BMPR1B: variants seen among roughly 807,000 people sequenced by gnomAD.
BMPR1B encodes the protein bone morphogenetic protein receptor type-1B.
BMPR1B carries 12 observed loss-of-function variants against 59.1 expected under a neutral mutation model. The ratio of observed to expected loss-of-function variants is 0.20; its 90% confidence interval spans 0.13 to 0.33. BMPR1B has a LOEUF of 0.33. BMPR1B is among the 10% of genes least tolerant of loss of function. BMPR1B has a pLI of 1.00. For synonymous variants in BMPR1B, 237 were observed against 207.3 expected, an observed-to-expected ratio of 1.14 and a Z score of -1.23; for missense variants, 550 against 610.9, an observed-to-expected ratio of 0.90 and a Z score of 1.05.
At chr4:94,759,661 A>G (rs1721681189) in intron 1 of BMPR1B, among the ~76,000 whole-genome samples, 1 of 152,260 alleles carries the variant, frequency 6.6e-6, no homozygotes, top group Non-Finnish European at 1.5e-5. Context: ...AATTATTTCT[A>G]GCTGTAAAGA....
intron 1 of BMPR1B, among the ~76,000 whole-genome samples, chr4:94,874,881 T>C (rs181537912): frequency 6.6e-6 from 1 of 152,100 alleles, no homozygotes; most frequent in Non-Finnish European, 1.5e-5. Context: ...TAGTCCCAGC[T>C]ACTCTGGAGG....
rs1403369942 is a variant in BMPR1B, at chr4:94,962,106, TC to T, written c.-112-33932del. 1.1e-3 allele frequency among the ~76,000 whole-genome samples: 155 copies of T among 136,994 alleles called. 2 individuals carry two copies. Among genetic ancestry groups the T allele is most frequent in the African/African-American group, 4.9e-3 (153 of 31,062 alleles). The allele number at this position is 136,994 out of a possible 152,430, so 89.9% of individuals were successfully genotyped here. On this transcript the variant is annotated intron_variant, in intron 2 of 12. Coordinates refer to ENST00000515059, the MANE Select transcript of BMPR1B (RefSeq NM_001203.3). ...TTCCTTCCTTCCTTCCTTCCTTCCTTCCTTCCTTCCTTCCTTCTTTCCTTCC... is the reference window on the plus strand; with the variant it reads ...TTCCTTCCTTCCTTCCTTCCTTCCTTCTTCCTTCCTTCCTTCTTTCCTTCC...
chr4:94,956,594 A>G (rs1223139585), intron 2 of BMPR1B, among the ~76,000 whole-genome samples: 1 of 152,218 alleles, frequency 6.6e-6, no homozygotes, highest in Non-Finnish European at 1.5e-5. Flanking sequence ...GAACATTTAT[A>G]GAATAGAGTT....
At chr4:94,817,836 A>C (rs1303367776) in intron 1 of BMPR1B, among the ~76,000 whole-genome samples, 1 of 152,122 alleles carries the variant, frequency 6.6e-6, no homozygotes, top group African/African-American at 2.4e-5. Flanking sequence ...TCCTTTTCCA[A>C]CTACTTTCAT....
chr4:94,999,427 CGTGTGT>C (rs70946577), intron 3 of BMPR1B, among the ~76,000 whole-genome samples: 3 of 148,428 alleles, frequency 2.0e-5, no homozygotes, highest in Non-Finnish European at 4.5e-5. Context: ...CAGTGTTGTG[CGTGTGT>C]GTGTGTGTGT....
intron 2 of BMPR1B, among the ~76,000 whole-genome samples, chr4:94,920,452 C>T (rs929625017): frequency 6.6e-6 from 1 of 152,108 alleles, no homozygotes; most frequent in Admixed American, 6.6e-5. Flanking sequence ...GGGGGCTCCC[C>T]ACACGTCAAA....
intron 3 of BMPR1B, among the ~76,000 whole-genome samples, chr4:95,056,174 C>G (rs912534404): frequency 3.3e-5 from 5 of 152,024 alleles, no homozygotes; most frequent in Admixed American, 6.6e-5. Context: ...TCCAGATGGC[C>G]TCTTTTGGTC....
chr4:95,032,230 G>T (rs1433302636), intron 3 of BMPR1B, among the ~76,000 whole-genome samples: 1 of 152,024 alleles, frequency 6.6e-6, no homozygotes, highest in African/African-American at 2.4e-5. Flanking sequence ...CTACCATTTT[G>T]CTGTGTCCTC....
chr4:95,050,826 TTTA>T (rs1224565329), intron 3 of BMPR1B, among the ~76,000 whole-genome samples: 3 of 152,228 alleles, frequency 2.0e-5, no homozygotes, highest in Admixed American at 1.3e-4. Context: ...TTGGTGTTCT[TTTA>T]TTATTAACAG....
chr4:95,038,350 G>C (rs556797212), intron 3 of BMPR1B, among the ~76,000 whole-genome samples: 1 of 152,280 alleles, frequency 6.6e-6, no homozygotes, highest in Non-Finnish European at 1.5e-5. Flanking sequence ...ATCCGGTCTA[G>C]GATTGGCAAC....
intron 2 of BMPR1B, among the ~76,000 whole-genome samples, chr4:94,970,296 CTTCTCT>C (rs1560573135): frequency 0.04 from 3,361 of 83,834 alleles, 157 homozygotes; most frequent in African/African-American, 0.12. Context: ...CTTCTCTTCT[CTTCTCT>C]TCTTTCTCTC....
At chr4:95,116,759 G>A (rs558978172) in intron 6 of BMPR1B, among the ~76,000 whole-genome samples, 16 of 151,724 alleles carry the variant, frequency 1.1e-4, no homozygotes, top group Admixed American at 8.5e-4. Flanking sequence ...GGAAACAGGT[G>A]CACACCACCA....
At position 94,973,711 on chromosome 4, in the gene BMPR1B, C is replaced by T. The variant is rs80239385; in HGVS notation, c.-112-22329C>T. On this transcript the variant is annotated intron_variant, in intron 2 of 12. Coordinates refer to ENST00000515059, the MANE Select transcript of BMPR1B (RefSeq NM_001203.3). ...GGCTTTGTGACTGAGGGTGGGGTTT[C>T]GCTGCCCTTTCTGCCTAGAATTTCT... is the stretch of plus-strand genomic sequence containing the variant. Among the ~76,000 whole-genome samples, 26 of 152,238 alleles carry T rather than the reference C, an allele frequency of 1.7e-4. No homozygotes were observed. In the East Asian group the frequency reaches 4.6e-3, roughly 27 times the overall value.
At chr4:94,847,912 A>G (rs1000030039) in intron 1 of BMPR1B, among the ~76,000 whole-genome samples, 2 of 152,198 alleles carry the variant, frequency 1.3e-5, no homozygotes, top group African/African-American at 4.8e-5. Flanking sequence ...AAAAAAACTA[A>G]AAGAGTATAA....
intron 4 of BMPR1B, among the ~76,000 whole-genome samples, chr4:95,104,907 A>G (rs1731094944): frequency 7.1e-6 from 1 of 140,408 alleles, no homozygotes; most frequent in Admixed American, 7.0e-5. Context: ...AATGCGTGTG[A>G]TTTTGTTTGT....
At chr4:94,868,870 G>A (rs1181454492) in intron 1 of BMPR1B, among the ~76,000 whole-genome samples, 1 of 152,118 alleles carries the variant, frequency 6.6e-6, no homozygotes, top group Non-Finnish European at 1.5e-5. Context: ...ACAGCATGAA[G>A]GCTTGAATGT....
Position 95,029,339 on chromosome 4 carries a change from C to G in BMPR1B, c.-18+33205C>G, listed in dbSNP as rs1338917667. On this transcript the variant is annotated intron_variant, in intron 3 of 12. Transcript: ENST00000515059. Reference sequence around the variant, plus strand: ...TTCAGTTCCCACCTATGAGTGAGAACATGTGGTATTTGGTTTTTTGTCCTT... The same window carrying G: ...TTCAGTTCCCACCTATGAGTGAGAAGATGTGGTATTTGGTTTTTTGTCCTT... Among the ~76,000 whole-genome samples the G allele has an allele frequency of 8.1e-5, 12 of 148,252 alleles. 1 individual carries two copies. The highest frequency in any genetic ancestry group is 4.8e-4 in the Admixed American group (7 of 14,452).
intron 2 of BMPR1B, among the ~76,000 whole-genome samples, chr4:94,887,574 GTAAA>G (rs1266000550): frequency 6.6e-6 from 1 of 151,468 alleles, no homozygotes; most frequent in African/African-American, 2.4e-5. Flanking sequence ...ATTGAACTTG[GTAAA>G]TAAATACAAG....
intron 2 of BMPR1B, among the ~76,000 whole-genome samples, chr4:94,879,047 A>G (rs1376938489): frequency 6.6e-6 from 1 of 152,134 alleles, no homozygotes; most frequent in Non-Finnish European, 1.5e-5. Context: ...CATGTGCACA[A>G]TGTGCAGGTT....
Sources: allele counts gnomAD v4.1 joint callset (sites outside exome capture counted in the v4.1 genomes callset), GRCh38; gene constraint gnomAD v4.1.1; transcripts MANE v1.5; gene names NCBI Gene and HGNC (gene_info 2026-07-23, HGNC 2026-07-21).